The following PPP6R3 variants were observed in gnomAD, a reference collection of about 807,000 sequenced individuals.
The protein encoded by PPP6R3 is protein phosphatase 6 regulatory subunit 3.
A neutral mutation model predicts 110.7 loss-of-function variants in PPP6R3; 38 were observed. That is an observed-to-expected ratio of 0.34 (90% CI 0.26 to 0.45). The LOEUF (loss-of-function observed/expected upper bound fraction) is 0.45. PPP6R3 is among the 20% of genes least tolerant of loss of function. The pLI, the probability that PPP6R3 is intolerant of heterozygous loss-of-function variation, is 1.00. For missense variants in PPP6R3, 870 were observed against 1,062.4 expected (o/e 0.82, Z 2.52); for synonymous variants, 369 against 373.5 (o/e 0.99, Z 0.14).
chr11:68,613,622 T>G lies in PPP6R3; in HGVS notation c.*505T>G, dbSNP rs777209468. 7.0e-5 allele frequency: 69 copies of G among 985,878 alleles called. No homozygotes were observed. The highest frequency in any genetic ancestry group is 8.2e-5 in the Non-Finnish European group (68 of 829,974). 61.1% of individuals were successfully genotyped at this position (985,878 alleles called of 1,614,324 possible). A position where few individuals can be genotyped will look rare whatever the true frequency, so the allele number is the denominator to read the frequency against. ...AATGCCCTCTAAGTGTTATTTTGGT[T>G]GTTCTAACTTACAAAAGTGATTTTG... On this transcript the variant is annotated 3_prime_UTR_variant, in exon 24 of 24. Transcript: ENST00000393800.
chr11:68,585,752 T>G (rs2099576257), intron 15 of PPP6R3, among the ~76,000 whole-genome samples: 1 of 152,196 alleles, frequency 6.6e-6, no homozygotes, highest in Non-Finnish European at 1.5e-5. Flanking sequence ...TGCATGGAAG[T>G]TACTAGTGTC....
chr11:68,509,916 AT>A (rs745821812), intron 1 of PPP6R3, among the ~76,000 whole-genome samples: 378 of 140,868 alleles, frequency 2.7e-3, no homozygotes, highest in Middle Eastern at 0.015. Flanking sequence ...CACTCGGCAA[AT>A]TTTTTTTTTT....
intron 19 of PPP6R3, among the ~76,000 whole-genome samples, chr11:68,600,047 G>A (rs1438517837): frequency 3.9e-5 from 6 of 152,168 alleles, no homozygotes; most frequent in East Asian, 1.9e-4. Flanking sequence ...GCGTGAACCC[G>A]GGAGGCGGAG....
chr11:68,611,753 T>TG (rs1166175853), intron 23 of PPP6R3, among the ~76,000 whole-genome samples: 1 of 151,980 alleles, frequency 6.6e-6, no homozygotes, highest in African/African-American at 2.4e-5. Flanking sequence ...GAGGTGACGT[T>TG]GGAGTGGGCA....
intron 1 of PPP6R3, among the ~76,000 whole-genome samples, chr11:68,467,720 C>T (rs1318282042): frequency 6.6e-6 from 1 of 152,208 alleles, no homozygotes; most frequent in Non-Finnish European, 1.5e-5. Flanking sequence ...CTGAGGCTTC[C>T]ATTCGTGAGA....
intron 1 of PPP6R3, among the ~76,000 whole-genome samples, 153 bp from the exon 2 acceptor site, chr11:68,519,348 A>G (rs1047388842): frequency 6.6e-6 from 1 of 152,242 alleles, no homozygotes; most frequent in South Asian, 2.1e-4. Flanking sequence ...TTATGTTCAT[A>G]TAGAAAAATT....
chr11:68,574,018 A>G (rs2099520734), intron 12 of PPP6R3, 91 bp from the exon 13 acceptor site: 2 of 896,004 alleles, frequency 2.2e-6, no homozygotes, highest in Non-Finnish European at 3.6e-6. Flanking sequence ...CAGGGTTTAA[A>G]ATGATTGTTT....
chr11:68,536,216 G>C (rs76226948), intron 2 of PPP6R3, among the ~76,000 whole-genome samples: 1,895 of 152,018 alleles, frequency 0.012, 26 homozygotes, highest in Non-Finnish European at 0.019. Flanking sequence ...GTTCATAAAA[G>C]CATAAAATCA....
chr11:68,580,835 G>A (rs1351229780), intron 14 of PPP6R3, among the ~76,000 whole-genome samples: 2 of 123,204 alleles, frequency 1.6e-5, no homozygotes, highest in East Asian at 2.6e-4. Flanking sequence ...GCAGTGGCAC[G>A]ATCTCGGCTC....
chr11:68,511,917 G>A (rs986126413), intron 1 of PPP6R3, among the ~76,000 whole-genome samples: 2 of 151,996 alleles, frequency 1.3e-5, no homozygotes, highest in African/African-American at 4.8e-5. Flanking sequence ...TGGACTGCTG[G>A]CTCTCCCATT....
intron 1 of PPP6R3, among the ~76,000 whole-genome samples, chr11:68,507,245 C>CTTTTTTTTTTTTTTTT (rs1565485429): frequency 8.2e-6 from 1 of 121,604 alleles, no homozygotes; most frequent in Non-Finnish European, 1.7e-5. Context: ...AGTCTTTTTG[C>CTTTTTTTTTTTTTTTT]ATTTTTTTTT....
chr11:68,483,122 CT>C (rs2098926025), intron 1 of PPP6R3, among the ~76,000 whole-genome samples: 1 of 152,100 alleles, frequency 6.6e-6, no homozygotes, highest in African/African-American at 2.4e-5. Flanking sequence ...ACACTACAAG[CT>C]GAGTTATTTT....
intron 1 of PPP6R3, among the ~76,000 whole-genome samples, chr11:68,482,388 T>C (rs1462478093): frequency 1.4e-5 from 2 of 146,342 alleles, no homozygotes; most frequent in African/African-American, 5.1e-5. Flanking sequence ...CATTCCAGCC[T>C]GGGCAACAAA....
chr11:68,590,529 CTGTT>C lies in PPP6R3; in HGVS notation c.1731-125_1731-122del. The C allele has an allele frequency of 4.9e-6, 5 of 1,026,232 alleles. No individual in the cohort carries two copies. In the South Asian group the frequency reaches 7.2e-5, roughly 15 times the overall value. The allele number at this position is 1,026,232 out of a possible 1,614,324, so 63.6% of individuals were successfully genotyped here. On this transcript the variant is annotated intron_variant, in intron 16 of 23. Coordinates refer to ENST00000393800, the MANE Select transcript of PPP6R3 (RefSeq NM_001164161.2). ...ATCATTTAATATAAGAAGGTTGTTTCTGTTTGTTTTTTATTTATAGAGATTTTGA... is the reference window on the plus strand; with the variant it reads ...ATCATTTAATATAAGAAGGTTGTTTCTGTTTTTTATTTATAGAGATTTTGA...
rs746601064 is a variant in PPP6R3, at chr11:68,575,971, A to T, written c.1473A>T (p.Glu491Asp). The change falls in exon 14 of 24, where the codon GAA (glutamate) becomes GAT (aspartate). Residue 491 changes from glutamate to aspartate, a missense_variant. Glu to Asp is a conservative substitution (Grantham distance 45). Coordinates refer to ENST00000393800, the MANE Select transcript of PPP6R3 (RefSeq NM_001164161.2). Reference sequence around the variant, plus strand: ...CTCACTCTGAAGATCTTCCCGACGAAGTCAGGGAACGATGGGAGACGTTCT... The same window carrying T: ...CTCACTCTGAAGATCTTCCCGACGATGTCAGGGAACGATGGGAGACGTTCT... ...VQQLIKDLPDEVRERWETFCT... is the reference protein window; with the variant it reads ...VQQLIKDLPDDVRERWETFCT... The T allele has an allele frequency of 1.4e-5, 23 of 1,610,580 alleles. No individual in the cohort carries two copies. The highest frequency in any genetic ancestry group is 1.1e-5 in the South Asian group (1 of 90,688).
Position 68,609,987 on chromosome 11 carries a change from C to A in PPP6R3, c.2534C>A (p.Ala845Glu), listed in dbSNP as rs752870495. The A allele has an allele frequency of 6.2e-7, 1 of 1,614,110 alleles. No homozygotes were observed. Among genetic ancestry groups the A allele is most frequent in the East Asian group, 2.2e-5 (1 of 44,882 alleles). ...ECPETAEAKC[A>E]APRPPSSSPE... ...CCCGAGACTGCAGAGGCGAAGTGCG[C>A]GGCGCCCAGGCCTCCCAGCAGCAGT... Residue 845 changes from alanine to glutamate, a missense_variant, in exon 23 of 24, where the codon GCG becomes GAG. Physicochemically the swap from Ala to Glu is moderately radical, Grantham distance 107. Transcript: ENST00000393800.
chr11:68,587,948 C>T lies in PPP6R3; in HGVS notation c.1654C>T (p.Gln552Ter). The part of the protein sequence containing the change: ...LQQAFSDYQM[Q>*]QMTSNFIDQF... ...CCAGGCCTTTTCTGATTATCAGATG[C>T]AACAAATGACGTCCAATTTTATTGA... Residue 552 changes from glutamine (Q) to a stop codon, truncating the protein, a stop_gained, in exon 16 of 24, where the codon CAA (glutamine) becomes TAA (stop). Coordinates refer to ENST00000393800, the MANE Select transcript of PPP6R3 (RefSeq NM_001164161.2). LOFTEE classifies it high-confidence loss of function. 1 of 1,614,166 alleles carries T rather than the reference C, an allele frequency of 6.2e-7. No individual in the cohort carries two copies. The highest frequency in any genetic ancestry group is 8.5e-7 in the Non-Finnish European group (1 of 1,180,008).
At chr11:68,491,906 TAA>T (rs905450279) in intron 1 of PPP6R3, among the ~76,000 whole-genome samples, 4 of 152,132 alleles carry the variant, frequency 2.6e-5, no homozygotes, top group African/African-American at 9.7e-5. Flanking sequence ...AACGTTTTAA[TAA>T]AGTTTATGAA....
rs188476840 is a variant in PPP6R3 at position 68,578,714 on chromosome 11, C to T, written c.1545+2671C>T. ...ATAAGCTGTGCCCAGCCCCAGGCTC[C>T]TATCACTTCTGTAACATTTTAGTTA... On this transcript the variant is annotated intron_variant, in intron 14 of 23. Coordinates refer to ENST00000393800, the MANE Select transcript of PPP6R3 (RefSeq NM_001164161.2). Among the ~76,000 whole-genome samples, 86 of 152,346 alleles carry T rather than the reference C, an allele frequency of 5.6e-4. 1 individual carries two copies. Among genetic ancestry groups the T allele is most frequent in the African/African-American group, 2.0e-3 (82 of 41,584 alleles).
Sources: allele counts gnomAD v4.1 joint callset (sites outside exome capture counted in the v4.1 genomes callset), GRCh38; gene constraint gnomAD v4.1.1; transcripts MANE v1.5; gene names NCBI Gene and HGNC (gene_info 2026-07-23, HGNC 2026-07-21).